The following CREB3L2 variants were observed in gnomAD, a reference collection of about 807,000 sequenced individuals.
CREB3L2 encodes the protein cyclic AMP-responsive element-binding protein 3-like protein 2.
CREB3L2 carries 23 observed loss-of-function variants against 57.2 expected under a neutral mutation model. The ratio of observed to expected loss-of-function variants is 0.40; its 90% CI spans 0.29 to 0.57. The LOEUF (loss-of-function observed/expected upper bound fraction) is 0.57. CREB3L2 is among the 20% of genes least tolerant of loss of function. CREB3L2 has a pLI of 0.42. For missense variants in CREB3L2, 628 were observed against 634.7 expected (o/e 0.99, Z 0.11); for synonymous variants, 268 against 265.1 (o/e 1.01, Z -0.11).
intron 1 of CREB3L2, among the ~76,000 whole-genome samples, chr7:137,981,713 T>C (rs1043102136): frequency 2.0e-5 from 3 of 152,220 alleles, no homozygotes; most frequent in Non-Finnish European, 2.9e-5. Context: ...CTTCTACTAT[T>C]GTCTGCTTTG....
chr7:137,956,295 T>C (rs1801208965), intron 1 of CREB3L2, among the ~76,000 whole-genome samples: 1 of 152,370 alleles, frequency 6.6e-6, no homozygotes, highest in East Asian at 1.9e-4. Context: ...ATTTTCATTA[T>C]AGAGCATTTT....
chr7:137,918,255 A>G (rs1432554745), intron 2 of CREB3L2, among the ~76,000 whole-genome samples: 1 of 152,152 alleles, frequency 6.6e-6, no homozygotes, highest in Non-Finnish European at 1.5e-5. Context: ...CAGTGGCACC[A>G]TCTCGGCTCG....
In CREB3L2 at chr7:137,880,608, C is replaced by T. The variant is rs987085573; in HGVS notation, c.1488-57G>A. ...TAGTCACCAGCTGTTAGCTACAATT[C>T]TCATGCTTTGTAGCGTGATGCAATC... On this transcript the variant is annotated intron_variant, in intron 11 of 11. Transcript: ENST00000330387. This position sits in a 1 kb window ranked among gnomAD's most constrained non-coding sequence, Gnocchi z 4.0. 131 of 1,381,140 alleles carry T rather than the reference C, an allele frequency of 9.5e-5. No homozygotes were observed. The highest frequency in any genetic ancestry group is 1.8e-4 in the Middle Eastern group (1 of 5,662). The allele number at this position is 1,381,140 out of a possible 1,614,324, so 85.6% of individuals were successfully genotyped here. A position where few individuals can be genotyped will look rare whatever the true frequency, so the allele number is the denominator to read the frequency against.
chr7:137,970,045 T>TG (rs201227656), intron 1 of CREB3L2, among the ~76,000 whole-genome samples: 2,963 of 152,184 alleles, frequency 0.019, 52 homozygotes, highest in Non-Finnish European at 0.026. Flanking sequence ...AGCACTGTTA[T>TG]GGGGGGGTTA....
rs10237440 is a variant in CREB3L2, at chr7:137,885,798, G to T, written c.1044-296C>A. On this transcript the variant is annotated intron_variant, in intron 8 of 11. Coordinates refer to ENST00000330387, the MANE Select transcript of CREB3L2 (RefSeq NM_194071.4). ...GACAGGCTGTGGCTTGTTTCTCAGC[G>T]ATTGAGAACAAAGGAAAAGGAACAC... is the stretch of plus-strand genomic sequence containing the variant. 3.4e-3 allele frequency among the ~76,000 whole-genome samples: 522 copies of T among 152,292 alleles called. 4 individuals are homozygous for T. Among genetic ancestry groups the T allele is most frequent in the African/African-American group, 0.012 (478 of 41,548 alleles).
rs1024413876 is a variant in CREB3L2, at chr7:137,939,511, C to T, written c.103-11145G>A. Among the ~76,000 whole-genome samples, 8 of 152,330 alleles carry T rather than the reference C, an allele frequency of 5.3e-5. No individual in the cohort carries two copies. In the South Asian group the frequency reaches 1.7e-3, roughly 32 times the overall value. On this transcript the variant is annotated intron_variant, in intron 1 of 11. Transcript: ENST00000330387. ...AGCAGACAGAGCTGTTCCAGAAATA[C>T]CCGTATCAGGTAGAGAAGTCCTCTG...
At chr7:137,905,605 G>A in intron 6 of CREB3L2, 97 bp downstream of exon 6, 1 of 1,327,806 alleles carries the variant, frequency 7.5e-7, no homozygotes, top group East Asian at 2.3e-5. Context: ...TCCACCATGG[G>A]ATGGGGTAGT....
chr7:137,915,902 G>C lies in CREB3L2; in HGVS notation c.430C>G (p.Leu144Val), dbSNP rs748398442. Residue 144 changes from leucine to valine, a missense_variant, in exon 3 of 12, where the codon CTG becomes GTG. Leu to Val is a conservative substitution (Grantham distance 32). This residue lies in a region of CREB3L2 where 339 missense variants were observed against 355.4 expected (regional missense o/e 0.95). Transcript: ENST00000330387. Reference protein sequence around the residue: ...PPPGLVPSVTLTITAISTPLE... With the variant: ...PPPGLVPSVTVTITAISTPLE... ...GGGGTGGAGATGGCTGTGATGGTCA[G>C]AGTGACAGACGGAACGAGTCCTGGG... The C allele has an allele frequency of 1.9e-6, 3 of 1,614,216 alleles. No homozygotes were observed. Among genetic ancestry groups the C allele is most frequent in the South Asian group, 2.2e-5 (2 of 91,084 alleles).
At chr7:137,974,250 T>C (rs995432586) in intron 1 of CREB3L2, among the ~76,000 whole-genome samples, 1 of 152,056 alleles carries the variant, frequency 6.6e-6, no homozygotes, top group Non-Finnish European at 1.5e-5. Flanking sequence ...ACAATCAAAA[T>C]AATGAATCAA....
chr7:137,955,200 C>T (rs1801183130), intron 1 of CREB3L2: 1 of 1,008,034 alleles, frequency 9.9e-7, no homozygotes, highest in Non-Finnish European at 1.4e-6. Flanking sequence ...CCCTGAAATC[C>T]TTGCCCATTT....
chr7:137,955,746 C>T (rs1234159522), intron 1 of CREB3L2, among the ~76,000 whole-genome samples: 2 of 152,060 alleles, frequency 1.3e-5, no homozygotes, highest in Non-Finnish European at 2.9e-5. Context: ...AACTGAAGCT[C>T]GGAAAGATTA....
intron 1 of CREB3L2, among the ~76,000 whole-genome samples, chr7:137,973,466 A>G (rs1801553824): frequency 6.6e-6 from 1 of 152,178 alleles, no homozygotes; most frequent in African/African-American, 2.4e-5. Flanking sequence ...CTCGGGAGCT[A>G]GAGGAAAGCT....
intron 1 of CREB3L2, among the ~76,000 whole-genome samples, chr7:137,987,313 C>T (rs759531237): frequency 1.3e-5 from 2 of 152,048 alleles, no homozygotes; most frequent in African/African-American, 2.4e-5. Context: ...AGGGAAATGC[C>T]GCACCACAGT....
Position 137,984,678 on chromosome 7 carries a change from G to A in CREB3L2, c.102+16926C>T, listed in dbSNP as rs547431957. 9.5e-4 allele frequency among the ~76,000 whole-genome samples: 145 copies of A among 152,286 alleles called. 1 individual carries two copies. The highest frequency in any genetic ancestry group is 3.2e-3 in the African/African-American group (135 of 41,568). ...TTATTCTTCTTATTTTGTTGCTCCTGCAGCTTTTTGTTTGGTTTTTCTAAA... is the reference window on the plus strand; with the variant it reads ...TTATTCTTCTTATTTTGTTGCTCCTACAGCTTTTTGTTTGGTTTTTCTAAA... On this transcript the variant is annotated intron_variant, in intron 1 of 11. Transcript: ENST00000330387.
At chr7:137,903,357 C>T (rs1354208662) in intron 7 of CREB3L2, among the ~76,000 whole-genome samples, 2 of 152,140 alleles carry the variant, frequency 1.3e-5, no homozygotes, top group Admixed American at 1.3e-4. Flanking sequence ...TTAAAAATAT[C>T]TTGGTTTGTT....
chr7:137,932,766 T>A (rs1800680322), intron 1 of CREB3L2, among the ~76,000 whole-genome samples: 1 of 152,200 alleles, frequency 6.6e-6, no homozygotes, highest in Admixed American at 6.5e-5. Context: ...GATTCAAGGA[T>A]TTTGCAGCTA....
chr7:137,996,599 G>A (rs1008964385), intron 1 of CREB3L2, among the ~76,000 whole-genome samples: 49 of 152,114 alleles, frequency 3.2e-4, no homozygotes, highest in South Asian at 2.1e-4. Flanking sequence ...ATCACTCTCC[G>A]GGCCAGGCGG....
At position 137,980,160 on chromosome 7, in the gene CREB3L2, C is replaced by A. The variant is rs1409990598; in HGVS notation, c.102+21444G>T. On this transcript the variant is annotated intron_variant, in intron 1 of 11. Transcript: ENST00000330387. The surrounding 1 kb of genome is among the most constrained non-coding windows in gnomAD (Gnocchi z 4.3). ...GAGATGAATGTTGCCAGACCATGGACCATGCTTTGAGTAGTCATACTCCAA... is the reference window on the plus strand; with the variant it reads ...GAGATGAATGTTGCCAGACCATGGAACATGCTTTGAGTAGTCATACTCCAA... Among the ~76,000 whole-genome samples, 1 of 152,184 alleles carries A rather than the reference C, an allele frequency of 6.6e-6. No individual in the cohort carries two copies. Among genetic ancestry groups the A allele is most frequent in the African/African-American group, 2.4e-5 (1 of 41,440 alleles).
At position 137,892,969 on chromosome 7, in the gene CREB3L2, A is replaced by AAGAC. The variant is rs1316688479; in HGVS notation, c.1044-7471_1044-7468dup. Among the ~76,000 whole-genome samples the AAGAC allele has an allele frequency of 2.0e-5, 3 of 152,226 alleles. No homozygotes were observed. The East Asian group carries it at 5.8e-4, about 29-fold the overall frequency. On this transcript the variant is annotated intron_variant, in intron 8 of 11. Transcript: ENST00000330387. The stretch of plus-strand genomic sequence containing the variant: ...AAATACTAAAGTGTGTCATACACAA[A>AAGAC]AGACAACCATATCAGCTCAAACTCC...
Sources: gnomAD v4.1 joint callset for allele counts (sites outside exome capture counted in the v4.1 genomes callset) on GRCh38, gnomAD v4.1.1 for gene constraint, gnomAD v4.1.1 regional missense constraint, Gnocchi (gnomAD v3.1) non-coding constraint, MANE v1.5 for transcripts, NCBI Gene and HGNC (gene_info 2026-07-23, HGNC 2026-07-21) for gene names.